Variants in ZIM2 observed in about 807,000 individuals in gnomAD.
The protein encoded by ZIM2 is zinc finger imprinted 2, also known as zinc finger protein 656.
Under a neutral mutation model 38.6 loss-of-function variants are expected in ZIM2, and 14 were observed. The ratio of observed to expected loss-of-function variants is 0.36; its 90% CI spans 0.24 to 0.57. The LOEUF (loss-of-function observed/expected upper bound fraction) is 0.57. Ranked by LOEUF, ZIM2 falls within the 20% of genes least tolerant of loss-of-function variation. The pLI, the probability that ZIM2 is intolerant of heterozygous loss-of-function variation, is 0.81. For missense variants in ZIM2, 680 were observed against 695.1 expected, an observed-to-expected ratio of 0.98 and a Z score of 0.24; for synonymous variants, 247 against 245.8, an observed-to-expected ratio of 1.00 and a Z score of -0.04.
chr19:56,811,117 T>C (rs766056225), intron 9 of ZIM2: 28 of 984,532 alleles, frequency 2.8e-5, no homozygotes, highest in Non-Finnish European at 3.4e-5. Context: ...TCCTCCACTT[T>C]TCTGTATTTT....
Position 56,775,417 on chromosome 19 carries a change from A to G in ZIM2, c.948T>C (p.Ser316=), listed in dbSNP as rs1453089553. The part of the protein sequence containing the change: ...KTLTPERSYG[S]DEFERSSNLS... ...GATTAGAGCTTCTCTCAAATTCATC[A>G]CTGCCATAGCTTCTTTCCGGAGTGA... Residue 316 remains serine, a synonymous_variant, in exon 13 of 13, where the codon AGT becomes AGC. Transcript: ENST00000629319. 6.2e-7 allele frequency: 1 copy of G among 1,614,080 alleles called. No individual in the cohort carries two copies. Among genetic ancestry groups the G allele is most frequent in the Non-Finnish European group, 8.5e-7 (1 of 1,180,024 alleles).
chr19:56,799,951 T>C (rs1275528178), intron 9 of ZIM2, among the ~76,000 whole-genome samples: 1 of 152,208 alleles, frequency 6.6e-6, no homozygotes, highest in Non-Finnish European at 1.5e-5. Context: ...GCATGCTGTG[T>C]CATTCCATTC....
chr19:56,783,446 G>A (rs2046428728), intron 10 of ZIM2, among the ~76,000 whole-genome samples: 1 of 152,154 alleles, frequency 6.6e-6, no homozygotes, highest in Admixed American at 6.6e-5. Flanking sequence ...AAAATGAGGT[G>A]TGTATACACC....
intron 2 of ZIM2, chr19:56,833,268 C>G (rs2061752486): frequency 2.2e-6 from 1 of 459,906 alleles, no homozygotes; most frequent in Non-Finnish European, 4.4e-6. Context: ...CTAGATTCAG[C>G]CCCCTAACTC....
chr19:56,834,812 A>G (rs1475716300), intron 2 of ZIM2, among the ~76,000 whole-genome samples: 1 of 152,078 alleles, frequency 6.6e-6, no homozygotes, highest in Non-Finnish European at 1.5e-5. Flanking sequence ...TGGTAAACAC[A>G]TTCTTACTCT....
intron 2 of ZIM2, among the ~76,000 whole-genome samples, chr19:56,829,796 G>C (rs1002808837): frequency 1.3e-5 from 2 of 152,196 alleles, no homozygotes; most frequent in Non-Finnish European, 2.9e-5. Context: ...ACCCTGACTG[G>C]GGAAGACCAG....
intron 9 of ZIM2, among the ~76,000 whole-genome samples, chr19:56,804,828 G>A (rs1452146017): frequency 2.6e-5 from 4 of 152,202 alleles, no homozygotes; most frequent in African/African-American, 9.7e-5. Flanking sequence ...CCCCGTAACG[G>A]GGGTACTAAC....
At chr19:56,779,326 G>C in intron 12 of ZIM2, 51 bp downstream of exon 12, 2 of 1,590,862 alleles carry the variant, frequency 1.3e-6, no homozygotes, top group South Asian at 2.2e-5. Flanking sequence ...TCTCTGACTA[G>C]CATTTACTGG....
At chr19:56,839,676 AC>A (rs2062737580) in intron 1 of ZIM2, among the ~76,000 whole-genome samples, 2 of 152,018 alleles carry the variant, frequency 1.3e-5, no homozygotes, top group Non-Finnish European at 2.9e-5. Flanking sequence ...AAAAGATGGC[AC>A]CCAATGGGTG....
intron 9 of ZIM2, among the ~76,000 whole-genome samples, chr19:56,802,535 T>C (rs547940014): frequency 2.0e-5 from 3 of 152,236 alleles, no homozygotes; most frequent in Admixed American, 2.0e-4. Context: ...TTAAGGACAA[T>C]TAATGAGGTC....
At chr19:56,819,899 G>T (rs559242197) in intron 7 of ZIM2, among the ~76,000 whole-genome samples, 1 of 152,096 alleles carries the variant, frequency 6.6e-6, no homozygotes, top group South Asian at 2.1e-4. Context: ...AAAGAGGTAC[G>T]GGTATCTGGG....
chr19:56,823,673 T>C lies in ZIM2; in HGVS notation c.23A>G (p.Asn8Ser), dbSNP rs145366411. The C allele has an allele frequency of 3.1e-6, 5 of 1,614,062 alleles. No homozygotes were observed. The highest frequency in any genetic ancestry group is 1.3e-5 in the African/African-American group (1 of 74,916). The change falls in exon 5 of 13, where the codon AAC (asparagine) becomes AGC (serine). Residue 8 changes from asparagine to serine, a missense_variant. By Grantham distance (46) the Asn-to-Ser change is conservative. Coordinates refer to ENST00000629319, the MANE Select transcript of ZIM2 (RefSeq NM_001387356.1). ...GTCGTCGCTGGTCACGTCACTGTTG[T>C]TGTCGTCTAAGAGGACACCGGTCGC... is the stretch of plus-strand genomic sequence containing the variant. MYQPEDDNNSDVTSDDDM... is the reference protein window; with the variant it reads MYQPEDDSNSDVTSDDDM...
At chr19:56,780,251 T>C (rs1811544351) in intron 11 of ZIM2, among the ~76,000 whole-genome samples, 2 of 150,310 alleles carry the variant, frequency 1.3e-5, no homozygotes, top group Admixed American at 6.6e-5. Flanking sequence ...TTTTCTTTTT[T>C]TTTTTTTTTG....
intron 9 of ZIM2, among the ~76,000 whole-genome samples, chr19:56,795,565 G>A (rs1354059449): frequency 6.6e-6 from 1 of 152,232 alleles, no homozygotes; most frequent in Non-Finnish European, 1.5e-5. Flanking sequence ...GCTCTGCGGT[G>A]GACGGGCTGA....
At chr19:56,783,243 C>A (rs1283020032) in intron 10 of ZIM2, among the ~76,000 whole-genome samples, 1 of 152,146 alleles carries the variant, frequency 6.6e-6, no homozygotes, top group East Asian at 1.9e-4. Context: ...CAATAGAAAT[C>A]AATTAACTAC....
intron 7 of ZIM2, among the ~76,000 whole-genome samples, chr19:56,819,488 G>C (rs2060276255): frequency 6.6e-6 from 1 of 152,166 alleles, no homozygotes; most frequent in Non-Finnish European, 1.5e-5. Context: ...CTGGTTTCAG[G>C]GAGTCATGGT....
At chr19:56,775,578 G>A (rs761458029) in intron 12 of ZIM2, 49 bp from the exon 13 acceptor site, 1 of 1,537,322 alleles carries the variant, frequency 6.5e-7, no homozygotes, top group East Asian at 2.3e-5. Context: ...ATCCAATCCT[G>A]CCCCCCAATA....
At chr19:56,825,981 T>C (rs2060989902) in intron 3 of ZIM2, among the ~76,000 whole-genome samples, 1 of 152,134 alleles carries the variant, frequency 6.6e-6, no homozygotes, top group South Asian at 2.1e-4. Context: ...TCCCACGCTC[T>C]CTCCTGCATA....
chr19:56,816,523 G>C (rs749877300), intron 9 of ZIM2: 2 of 1,613,338 alleles, frequency 1.2e-6, no homozygotes, highest in Non-Finnish European at 1.7e-6. Flanking sequence ...TTTCAGGGAT[G>C]AGCTATGAAG....
Sources: gnomAD v4.1 joint callset for allele counts (sites outside exome capture counted in the v4.1 genomes callset) on GRCh38, gnomAD v4.1.1 for gene constraint, MANE v1.5 for transcripts, NCBI Gene and HGNC (gene_info 2026-07-23, HGNC 2026-07-21) for gene names.